Variants in TPM3 observed in about 807,000 individuals in gnomAD.
TPM3 encodes tropomyosin 3, also known as tropomyosin alpha-3 chain.
TPM3 carries 16 observed loss-of-function variants against 43.1 expected under a neutral mutation model. The observed-to-expected ratio is 0.37, with a 90% CI of 0.25 to 0.56. TPM3 has a LOEUF of 0.56. TPM3 is among the 20% of genes least tolerant of loss of function. The probability of loss-of-function intolerance (pLI) is 0.77; values close to 1 mark genes in which losing one functional copy is unlikely to be tolerated. For synonymous variants in TPM3, 101 were observed against 116.9 expected (o/e 0.86, Z 0.88); for missense variants, 176 against 337.2 (o/e 0.52, Z 3.74).
intron 2 of TPM3, among the ~76,000 whole-genome samples, chr1:154,185,025 A>G (rs1343962648): frequency 1.3e-5 from 2 of 152,008 alleles, no homozygotes; most frequent in African/African-American, 2.4e-5. Context: ...ACTTTTACCA[A>G]TTTCAATGCC....
intron 2 of TPM3, among the ~76,000 whole-genome samples, chr1:154,184,730 T>C (rs1026466348): frequency 2.0e-5 from 3 of 151,692 alleles, no homozygotes; most frequent in African/African-American, 7.3e-5. Context: ...CTGGGCAGTA[T>C]AGTGAGACCT....
rs757191810 is a variant in TPM3 at position 154,172,924 on chromosome 1, C to T, written c.550G>A (p.Ala184Thr). Residue 184 changes from alanine to threonine, a missense_variant, in exon 5 of 10, where the codon GCT (alanine) becomes ACT (threonine). This residue lies in a region of TPM3 where 53 missense variants were observed against 98.3 expected (regional missense o/e 0.54). Transcript: ENST00000651641. The part of the protein sequence containing the change: ...EGDLERTEER[A>T]ELAESKCSEL... ...GATACTCACGACTCTGCCAGCTCAG[C>T]TCGTTCCTCTGTGCGTTCCAAGTCT... is the stretch of plus-strand genomic sequence containing the variant. 1 of 1,614,216 alleles carries T rather than the reference C, an allele frequency of 6.2e-7. No individual in the cohort carries two copies. Among genetic ancestry groups the T allele is most frequent in the Non-Finnish European group, 8.5e-7 (1 of 1,180,046 alleles).
chr1:154,182,489 G>A (rs1307417381), intron 2 of TPM3, among the ~76,000 whole-genome samples: 1 of 152,214 alleles, frequency 6.6e-6, no homozygotes, highest in East Asian at 1.9e-4. Context: ...GCTGCCAGCA[G>A]GCAGGCCGGG....
chr1:154,187,319 TAGTTTGCTGACTCTAGCTTTG>T, intron 2 of TPM3: 1 of 984,736 alleles, frequency 1.0e-6, no homozygotes, highest in Non-Finnish European at 1.2e-6. Flanking sequence ...CCACAGGTGG[TAGTTTGCTGACTCTAGCTTTG>T]AGGAAAGAAA....
intron 3 of TPM3, among the ~76,000 whole-genome samples, chr1:154,173,531 G>A (rs1469221837): frequency 6.6e-6 from 1 of 152,094 alleles, no homozygotes; most frequent in Non-Finnish European, 1.5e-5. Flanking sequence ...GGGCGTAGTG[G>A]CACATGCCTG....
At position 154,175,915 on chromosome 1, in the gene TPM3, C is replaced by T. The variant is rs186957639; in HGVS notation, c.377+200G>A. On this transcript the variant is annotated intron_variant, in intron 3 of 9. Coordinates refer to ENST00000651641, the MANE Select transcript of TPM3 (RefSeq NM_152263.4). ...TCTCTGTCACCCAGGAGTGCAGTGGCGCAATCAGAGCTCACTGTAGCCCCA... is the reference window on the plus strand; with the variant it reads ...TCTCTGTCACCCAGGAGTGCAGTGGTGCAATCAGAGCTCACTGTAGCCCCA... 2.5e-4 allele frequency among the ~76,000 whole-genome samples: 38 copies of T among 152,288 alleles called. No homozygotes were observed. The East Asian group carries it at 5.4e-3, about 22-fold the overall frequency.
chr1:154,189,991 G>C (rs565808630), intron 2 of TPM3, among the ~76,000 whole-genome samples: 1 of 152,222 alleles, frequency 6.6e-6, no homozygotes, highest in East Asian at 1.9e-4. Context: ...GCCCAGGCTA[G>C]AGTGCAGTGG....
chr1:154,155,391 C>T (rs1659693719), downstream of TPM3: 1 of 315,122 alleles, frequency 3.2e-6, no homozygotes, highest in Non-Finnish European at 6.0e-6. Flanking sequence ...CTCCGCCCGA[C>T]AAAAAAACTT....
downstream of TPM3, chr1:154,157,509 G>C (rs1333850997): frequency 2.6e-6 from 2 of 761,086 alleles, no homozygotes; most frequent in African/African-American, 3.4e-5. Flanking sequence ...GGAAGGAGGG[G>C]GTGGTGAAAG....
rs1234311909 is a variant in TPM3 at position 154,164,634 on chromosome 1, T to C, written c.*3303A>G. On this transcript the variant is annotated 3_prime_UTR_variant, in exon 10 of 10. Coordinates refer to ENST00000651641, the MANE Select transcript of TPM3 (RefSeq NM_152263.4). ...TAACCTAACCCAATTTTTTCCAAAG[T>C]GTGGTGTATTCACTGCTATAGTTAC... Among the ~76,000 whole-genome samples, 2 of 152,216 alleles carry C rather than the reference T, an allele frequency of 1.3e-5. No individual in the cohort carries two copies. The highest frequency in any genetic ancestry group is 2.9e-5 in the Non-Finnish European group (2 of 68,042).
chr1:154,160,128 G>C (rs903952967), downstream of TPM3, among the ~76,000 whole-genome samples: 2 of 151,890 alleles, frequency 1.3e-5, no homozygotes, highest in African/African-American at 4.8e-5. Flanking sequence ...GAGATAGTGG[G>C]ATATGGAAGA....
At chr1:154,180,550 C>T (rs1194480723) in intron 2 of TPM3, among the ~76,000 whole-genome samples, 1 of 152,104 alleles carries the variant, frequency 6.6e-6, no homozygotes, top group Non-Finnish European at 1.5e-5. Flanking sequence ...ATTCTGAGGA[C>T]TTCCTCACTA....
chr1:154,174,381 T>TAC (rs1662004440), intron 3 of TPM3, among the ~76,000 whole-genome samples: 2 of 87,842 alleles, frequency 2.3e-5, no homozygotes, highest in South Asian at 3.9e-4. Context: ...TATATATATA[T>TAC]ATATATATAT....
chr1:154,189,180 A>AAAAAAAAAAAAAC (rs1663560157), intron 2 of TPM3, among the ~76,000 whole-genome samples: 1 of 118,378 alleles, frequency 8.4e-6, no homozygotes, highest in African/African-American at 3.2e-5. Context: ...AAAAAAAAAA[A>AAAAAAAAAAAAAC]AGCCCAGGCG....
chr1:154,171,370 G>C (rs769911700), intron 6 of TPM3, 43 bp downstream of exon 6: 4 of 1,606,588 alleles, frequency 2.5e-6, no homozygotes, highest in East Asian at 4.5e-5. Context: ...GCAGGGCTGG[G>C]CCCAGGCCCC....
chr1:154,191,673 T>A (rs1212117049), intron 1 of TPM3: 1 of 1,448,218 alleles, frequency 6.9e-7, no homozygotes, highest in African/African-American at 1.4e-5. Flanking sequence ...ATGGTCCATT[T>A]CTACTTAAAT....
intron 9 of TPM3, among the ~76,000 whole-genome samples, chr1:154,168,542 T>TA (rs991410290): frequency 3.3e-5 from 5 of 152,164 alleles, no homozygotes; most frequent in African/African-American, 4.8e-5. Context: ...TTTTTTTTCT[T>TA]AGACAGTCTT....
chr1:154,191,849 C>A, intron 1 of TPM3, 53 bp downstream of exon 1: 1 of 1,598,658 alleles, frequency 6.3e-7, no homozygotes, highest in South Asian at 1.1e-5. Context: ...AACTCCCTTC[C>A]ATTTCACAGT....
intron 1 of TPM3, chr1:154,191,650 G>T: frequency 7.0e-7 from 1 of 1,426,518 alleles, no homozygotes; most frequent in Non-Finnish European, 9.1e-7. Context: ...GAAGTCAAGG[G>T]TTCTTCCAAA....
Sources: allele counts gnomAD v4.1 joint callset (sites outside exome capture counted in the v4.1 genomes callset), GRCh38; gene constraint gnomAD v4.1.1; regional missense constraint gnomAD v4.1.1; transcripts MANE v1.5; gene names NCBI Gene and HGNC (gene_info 2026-07-23, HGNC 2026-07-21).